The following TBC1D10A variants were observed in gnomAD, a reference collection of about 807,000 sequenced individuals.
TBC1D10A encodes TBC1 domain family member 10A.
Under a neutral mutation model 52.9 loss-of-function variants are expected in TBC1D10A, and 24 were observed. That is an observed-to-expected ratio of 0.45 (90% confidence interval 0.33 to 0.64). The LOEUF (loss-of-function observed/expected upper bound fraction) is 0.64. Among genes scored for constraint, TBC1D10A ranks in the 30% least tolerant of loss-of-function variants. The probability of loss-of-function intolerance (pLI) is 0.02; values close to 1 mark genes in which losing one functional copy is unlikely to be tolerated. For missense variants in TBC1D10A, 602 were observed against 687.9 expected, an observed-to-expected ratio of 0.88 and a Z score of 1.40; for synonymous variants, 278 against 282.9, an observed-to-expected ratio of 0.98 and a Z score of 0.17.
intron 1 of TBC1D10A, among the ~76,000 whole-genome samples, chr22:30,322,550 T>C (rs999756363): frequency 1.3e-5 from 2 of 151,638 alleles, no homozygotes; most frequent in African/African-American, 4.8e-5. Flanking sequence ...GCCTCCAGTT[T>C]ATCCATCTGT....
At chr22:30,317,066 C>T (rs1393426353) in intron 1 of TBC1D10A, among the ~76,000 whole-genome samples, 1 of 152,050 alleles carries the variant, frequency 6.6e-6, no homozygotes, top group Admixed American at 6.5e-5. Context: ...TACACACACA[C>T]ATACAAACTG....
At position 30,304,560 on chromosome 22, in the gene TBC1D10A, C is replaced by T. The variant is rs1930271815; in HGVS notation, c.280G>A (p.Asp94Asn). The T allele has an allele frequency of 5.0e-6, 8 of 1,614,100 alleles. No individual in the cohort carries two copies. The highest frequency in any genetic ancestry group is 5.1e-6 in the Non-Finnish European group (6 of 1,179,980). ...SKWLDMLNNWDKWMAKKHKKI... is the reference protein window; with the variant it reads ...SKWLDMLNNWNKWMAKKHKKI... ...TTGTGCTTCTTGGCCATCCATTTGT[C>T]CCAGTTGTTGAGCATGTCCAGCCAC... Residue 94 changes from aspartate to asparagine, a missense_variant, in exon 2 of 9, where the codon GAC (aspartate) becomes AAC (asparagine). By Grantham distance (23) the Asp-to-Asn change is conservative. Transcript: ENST00000215790.
At chr22:30,308,118 A>C (rs1930346959) in intron 1 of TBC1D10A, among the ~76,000 whole-genome samples, 2 of 152,234 alleles carry the variant, frequency 1.3e-5, no homozygotes, top group Admixed American at 6.5e-5. Context: ...TTTAAAGTAG[A>C]ATCCAAGGCT....
intron 1 of TBC1D10A, among the ~76,000 whole-genome samples, chr22:30,326,158 G>A (rs1930766625): frequency 1.3e-5 from 2 of 151,398 alleles, no homozygotes; most frequent in South Asian, 2.1e-4. Flanking sequence ...AAGGGGTGGG[G>A]GCGGGGCAGT....
chr22:30,313,794 C>T (rs1363350754), intron 1 of TBC1D10A, among the ~76,000 whole-genome samples: 1 of 151,886 alleles, frequency 6.6e-6, no homozygotes, highest in African/African-American at 2.4e-5. Flanking sequence ...GGAATATGCT[C>T]CTCTACCTTG....
intron 2 of TBC1D10A, among the ~76,000 whole-genome samples, chr22:30,303,030 C>T (rs949308726): frequency 1.3e-5 from 2 of 152,208 alleles, no homozygotes; most frequent in African/African-American, 4.8e-5. Context: ...CCAGTAATTC[C>T]AGCACTTTGG....
At chr22:30,323,495 AG>A (rs1345206346) in intron 1 of TBC1D10A, among the ~76,000 whole-genome samples, 1 of 152,238 alleles carries the variant, frequency 6.6e-6, no homozygotes, top group African/African-American at 2.4e-5. Flanking sequence ...CAGGGACGAA[AG>A]GCCATATTTA....
Position 30,292,198 on chromosome 22 carries a change from G to A in TBC1D10A, c.*177C>T. ...TGCCACTGTAAAGAAAATAAATAAG[G>A]AGGCTCAGGCAGAATCTGTGTTGGA... On this transcript the variant is annotated 3_prime_UTR_variant, in exon 9 of 9. Coordinates refer to ENST00000215790, the MANE Select transcript of TBC1D10A (RefSeq NM_031937.3). 1 of 555,750 alleles carries A rather than the reference G, an allele frequency of 1.8e-6. No homozygotes were observed. The highest frequency in any genetic ancestry group is 2.9e-5 in the Admixed American group (1 of 34,436). The allele number at this position is 555,750 out of a possible 1,614,324, so 34.4% of individuals were successfully genotyped here.
intron 1 of TBC1D10A, among the ~76,000 whole-genome samples, chr22:30,323,275 G>T (rs1319466757): frequency 6.6e-6 from 1 of 152,180 alleles, no homozygotes; most frequent in African/African-American, 2.4e-5. Context: ...GGCCTGAGGA[G>T]AAAAAGGTGA....
At chr22:30,321,016 T>C (rs1009399544) in intron 1 of TBC1D10A, among the ~76,000 whole-genome samples, 2 of 152,150 alleles carry the variant, frequency 1.3e-5, no homozygotes, top group African/African-American at 4.8e-5. Context: ...GGAGGTCCTG[T>C]TTCAGGCCCA....
intron 1 of TBC1D10A, among the ~76,000 whole-genome samples, chr22:30,325,966 G>T (rs960257380): frequency 2.0e-5 from 3 of 152,122 alleles, no homozygotes; most frequent in African/African-American, 4.8e-5. Flanking sequence ...GGGAGTACCT[G>T]CCCACCTGTT....
chr22:30,296,599 T>A (rs1422090475), intron 3 of TBC1D10A: 1 of 152,240 alleles, frequency 6.6e-6, no homozygotes, highest in Non-Finnish European at 1.5e-5. Context: ...ACTCTTTTCT[T>A]TGAACTTCTG....
intron 1 of TBC1D10A, among the ~76,000 whole-genome samples, chr22:30,307,326 T>C (rs1930329373): frequency 6.6e-6 from 1 of 152,180 alleles, no homozygotes; most frequent in African/African-American, 2.4e-5. Context: ...AGGGAGTCTC[T>C]GAAGCCAAAA....
intron 1 of TBC1D10A, among the ~76,000 whole-genome samples, chr22:30,313,903 GAGCACA>G (rs1930481547): frequency 6.6e-6 from 1 of 152,106 alleles, no homozygotes; most frequent in Non-Finnish European, 1.5e-5. Context: ...GCACAGGGCT[GAGCACA>G]GATCTGCTTG....
intron 2 of TBC1D10A, among the ~76,000 whole-genome samples, chr22:30,303,539 G>T (rs1255938113): frequency 6.6e-6 from 1 of 152,250 alleles, no homozygotes; most frequent in Non-Finnish European, 1.5e-5. Context: ...TTGCCCAGAA[G>T]TTCCACAGTT....
At chr22:30,300,884 G>T (rs1393570144) in intron 2 of TBC1D10A, among the ~76,000 whole-genome samples, 1 of 152,252 alleles carries the variant, frequency 6.6e-6, no homozygotes, top group Non-Finnish European at 1.5e-5. Context: ...GGAGAAGTGA[G>T]GGAGGAAGTA....
rs1929965498 is a variant in TBC1D10A at position 30,292,470 on chromosome 22, C to A, written c.1432G>T (p.Asp478Tyr). 1.9e-6 allele frequency: 3 copies of A among 1,605,344 alleles called. No homozygotes were observed. In the South Asian group the frequency reaches 3.3e-5, roughly 18 times the overall value. Reference protein sequence around the residue: ...HVPPKDSAPKDSAPQDLAPQV... With the variant: ...HVPPKDSAPKYSAPQDLAPQV... ...GGAGCCAAATCCTGAGGGGCTGAGT[C>A]CTTGGGGGCTGAGTCCTTCGGGGGC... Residue 478 changes from aspartate (D) to tyrosine (Y), a missense_variant, in exon 9 of 9, where the codon GAC (aspartate) becomes TAC (tyrosine). By Grantham distance (160) the Asp-to-Tyr change is radical. Around this residue, in one of 3 missense-constraint regions of TBC1D10A, gnomAD observed 265 missense variants for 275.1 expected, o/e 0.96. Coordinates refer to ENST00000215790, the MANE Select transcript of TBC1D10A (RefSeq NM_031937.3).
intron 1 of TBC1D10A, among the ~76,000 whole-genome samples, chr22:30,305,338 C>A (rs1405627005): frequency 6.6e-6 from 1 of 152,222 alleles, no homozygotes; most frequent in Non-Finnish European, 1.5e-5. Flanking sequence ...AAAGTCTTGA[C>A]CCTCATGGAG....
rs1330708874 is a variant in TBC1D10A at position 30,322,245 on chromosome 22, T to C, written c.209+4428A>G. Among the ~76,000 whole-genome samples the C allele has an allele frequency of 1.3e-5, 2 of 152,026 alleles. 1 individual carries two copies. The highest frequency in any genetic ancestry group is 2.9e-5 in the Non-Finnish European group (2 of 68,004). On this transcript the variant is annotated intron_variant, in intron 1 of 8. Transcript: ENST00000215790. ...ATCTGCCCACCTCGGCCTCCTAAAG[T>C]GCTGGGATTACGGCGGTGAACCACT... is the stretch of plus-strand genomic sequence containing the variant.
Sources: allele counts gnomAD v4.1 joint callset (sites outside exome capture counted in the v4.1 genomes callset), GRCh38; gene constraint gnomAD v4.1.1; regional missense constraint gnomAD v4.1.1; transcripts MANE v1.5; gene names NCBI Gene and HGNC (gene_info 2026-07-23, HGNC 2026-07-21).